The following ARHGEF10L variants were observed in gnomAD, a reference collection of about 807,000 sequenced individuals.
The protein encoded by ARHGEF10L is Rho guanine nucleotide exchange factor 10 like, also known as rho guanine nucleotide exchange factor 10-like protein.
In ARHGEF10L, 69 loss-of-function variants were observed where a neutral mutation model predicts 141.2. The observed-to-expected ratio is 0.49, with a 90% CI of 0.40 to 0.60. The LOEUF is 0.60. ARHGEF10L is among the 20% of genes least tolerant of loss of function. The pLI, the probability that ARHGEF10L is intolerant of heterozygous loss-of-function variation, is 0.00. For missense variants in ARHGEF10L, 1,482 were observed against 1,734.3 expected (o/e 0.85, Z 2.58); for synonymous variants, 711 against 718.5 (o/e 0.99, Z 0.17).
intron 21 of ARHGEF10L, among the ~76,000 whole-genome samples, chr1:17,641,717 G>T (rs981202121): frequency 6.6e-6 from 1 of 151,866 alleles, no homozygotes; most frequent in South Asian, 2.1e-4. Context: ...GGTGGCTCGC[G>T]CCTGTAATCC....
intron 9 of ARHGEF10L, chr1:17,618,585 T>G: frequency 8.3e-7 from 1 of 1,203,994 alleles, no homozygotes; most frequent in Non-Finnish European, 1.1e-6. Flanking sequence ...GCTTCTTCTT[T>G]CCTCCCCAGC....
At chr1:17,648,712 G>A (rs757397466) in intron 22 of ARHGEF10L, 37 bp downstream of exon 22, 1 of 1,599,982 alleles carries the variant, frequency 6.3e-7, no homozygotes, top group South Asian at 1.1e-5. Flanking sequence ...GACCTCGAAG[G>A]TGGCTGCGGC....
intron 26 of ARHGEF10L, among the ~76,000 whole-genome samples, chr1:17,670,379 C>T (rs1252925610): frequency 2.0e-5 from 3 of 152,268 alleles, no homozygotes; most frequent in East Asian, 1.9e-4. Context: ...TGTCGCTCAC[C>T]GGGGCCCGTG....
chr1:17,544,640 A>T (rs1242022555), intron 1 of ARHGEF10L, among the ~76,000 whole-genome samples: 3 of 151,922 alleles, frequency 2.0e-5, no homozygotes, highest in Admixed American at 6.6e-5. Flanking sequence ...TTTTTTTCCT[A>T]ATTATTTTAT....
chr1:17,667,362 T>C (rs560679602), intron 26 of ARHGEF10L, among the ~76,000 whole-genome samples: 2 of 152,062 alleles, frequency 1.3e-5, no homozygotes, highest in South Asian at 4.1e-4. Context: ...GCCTCCAGTC[T>C]AACGGAGGAG....
At chr1:17,626,981 G>A (rs2060422539) in intron 14 of ARHGEF10L, among the ~76,000 whole-genome samples, 1 of 152,224 alleles carries the variant, frequency 6.6e-6, no homozygotes, top group South Asian at 2.1e-4. Context: ...ATTGTATGGA[G>A]AGACCACATT....
At chr1:17,629,470 G>A (rs1332512673) in intron 15 of ARHGEF10L, among the ~76,000 whole-genome samples, 1 of 152,152 alleles carries the variant, frequency 6.6e-6, no homozygotes, top group African/African-American at 2.4e-5. Context: ...ACCAGCCCCC[G>A]AGTGGCAGCT....
rs1557900149 is a variant in ARHGEF10L at position 17,639,667 on chromosome 1, A to T, written c.2172-535A>T. On this transcript the variant is annotated intron_variant, in intron 20 of 28. Coordinates refer to ENST00000361221, the MANE Select transcript of ARHGEF10L (RefSeq NM_018125.4). The surrounding 1 kb of genome is among the most constrained non-coding windows in gnomAD (Gnocchi z 4.3). ...GCCCCCACTGCTCTGAGGTGAGAGG[A>T]CAGCGTGGTGACAACAGCAACCTCT... 7.1e-6 allele frequency: 3 copies of T among 422,682 alleles called. No homozygotes were observed. The highest frequency in any genetic ancestry group is 3.6e-4 in the Middle Eastern group (1 of 2,772). The allele number at this position is 422,682 out of a possible 1,614,324, so 26.2% of individuals were successfully genotyped here.
chr1:17,662,012 C>T (rs890970963), intron 25 of ARHGEF10L, among the ~76,000 whole-genome samples: 4 of 152,212 alleles, frequency 2.6e-5, no homozygotes, highest in Admixed American at 6.5e-5. Context: ...CTCCATGGGT[C>T]GCCGTTGTCA....
the ARHGEF10L span, among the ~76,000 whole-genome samples, chr1:17,523,443 C>T: frequency 6.6e-6 from 1 of 152,172 alleles, no homozygotes; most frequent in Non-Finnish European, 1.5e-5. Flanking sequence ...AGCTCTGTGC[C>T]AGGCATCCTG....
At chr1:17,537,705 G>A (rs1244349331), upstream of ARHGEF10L, among the ~76,000 whole-genome samples, 1 of 151,902 alleles carries the variant, frequency 6.6e-6, no homozygotes, top group African/African-American at 2.4e-5. Context: ...AGACATTTCA[G>A]GATCAGATGG....
rs111772416 is a variant in ARHGEF10L, at chr1:17,651,145, C to A, written c.2394+2470C>A. Among the ~76,000 whole-genome samples the A allele has an allele frequency of 9.8e-3, 1,493 of 152,262 alleles. 24 individuals are homozygous for A. Among genetic ancestry groups the A allele is most frequent in the African/African-American group, 0.032 (1,321 of 41,518 alleles). ...TTTTTAAAGTTGCCTTACTCTCTCT[C>A]TATATATATACATTTTTGTGACTGA... On this transcript the variant is annotated intron_variant, in intron 22 of 28. Transcript: ENST00000361221.
At chr1:17,696,769 C>G in intron 28 of ARHGEF10L, 79 bp from the exon 29 acceptor site, 1 of 1,372,040 alleles carries the variant, frequency 7.3e-7, no homozygotes, top group Non-Finnish European at 9.8e-7. Flanking sequence ...CCAGAATGTT[C>G]TCCAGGAGAG....
At chr1:17,571,487 G>A (rs2077997616) in intron 1 of ARHGEF10L, among the ~76,000 whole-genome samples, 1 of 152,120 alleles carries the variant, frequency 6.6e-6, no homozygotes, top group Non-Finnish European at 1.5e-5. Context: ...AGTGGGTGGA[G>A]AGGGTATGGG....
At chr1:17,555,644 C>T (rs188838939) in intron 1 of ARHGEF10L, among the ~76,000 whole-genome samples, 32 of 152,274 alleles carry the variant, frequency 2.1e-4, no homozygotes, top group African/African-American at 7.2e-4. Context: ...TGTGAACCAC[C>T]ACGCCTGGCC....
rs567254257 is a variant in ARHGEF10L at position 17,606,386 on chromosome 1, C to T, written c.434-1416C>T. Reference sequence around the variant, plus strand: ...TCGGCTCACTGCAGCTTCCGCCTCCCGGGTTCAAGCAATTCTCCTGCCTCA... The same window carrying T: ...TCGGCTCACTGCAGCTTCCGCCTCCTGGGTTCAAGCAATTCTCCTGCCTCA... On this transcript the variant is annotated intron_variant, in intron 6 of 28. Coordinates refer to ENST00000361221, the MANE Select transcript of ARHGEF10L (RefSeq NM_018125.4). 7.9e-5 allele frequency among the ~76,000 whole-genome samples: 12 copies of T among 151,968 alleles called. No homozygotes were observed. In the East Asian group the frequency reaches 9.7e-4, roughly 12 times the overall value.
rs1041020395 is a variant in ARHGEF10L, at chr1:17,539,824, C to A, written c.-170C>A. On this transcript the variant is annotated 5_prime_UTR_variant, in exon 1 of 29. Coordinates refer to ENST00000361221, the MANE Select transcript of ARHGEF10L (RefSeq NM_018125.4). The surrounding 1 kb of genome is among the most constrained non-coding windows in gnomAD (Gnocchi z 6.0). ...CCATTGGCTCGGGTGGCGGCGGCTG[C>A]GGCGGTGGGGGCGCCGTCCCGGCCA... 7.5e-5 allele frequency: 11 copies of A among 146,564 alleles called. No individual in the cohort carries two copies. Among genetic ancestry groups the A allele is most frequent in the South Asian group, 7.3e-4 (4 of 5,462 alleles). The allele number at this position is 146,564 out of a possible 1,614,324, so 9.1% of individuals were successfully genotyped here.
intron 26 of ARHGEF10L, among the ~76,000 whole-genome samples, chr1:17,686,713 G>A (rs1422724260): frequency 6.6e-6 from 1 of 152,174 alleles, no homozygotes; most frequent in African/African-American, 2.4e-5. Flanking sequence ...GCAGGAGTGG[G>A]GGCAGCACTG....
chr1:17,525,701 A>T, the ARHGEF10L span, among the ~76,000 whole-genome samples: 10 of 151,584 alleles, frequency 6.6e-5, no homozygotes, highest in African/African-American at 2.2e-4. Flanking sequence ...TCTTTTAATA[A>T]TTTTTTTTTA....
Sources: allele counts gnomAD v4.1 joint callset (sites outside exome capture counted in the v4.1 genomes callset), GRCh38; gene constraint gnomAD v4.1.1; non-coding constraint Gnocchi (gnomAD v3.1); transcripts MANE v1.5; gene names NCBI Gene and HGNC (gene_info 2026-07-23, HGNC 2026-07-21).